SAMD8: variants seen among roughly 807,000 people sequenced by gnomAD.
The protein encoded by SAMD8 is sphingomyelin synthase-related protein 1.
SAMD8 carries 20 observed loss-of-function variants against 42.0 expected under a neutral mutation model. That is an observed-to-expected ratio of 0.48 (90% confidence interval 0.34 to 0.69). The LOEUF is 0.69. Among genes scored for constraint, SAMD8 ranks in the 30% least tolerant of loss-of-function variants. The probability of loss-of-function intolerance (pLI) is 0.01; values close to 1 mark genes in which losing one functional copy is unlikely to be tolerated. For synonymous variants in SAMD8, 162 were observed against 173.0 expected, an observed-to-expected ratio of 0.94 and a Z score of 0.50; for missense variants, 328 against 511.6, an observed-to-expected ratio of 0.64 and a Z score of 3.46.
At chr10:75,173,152 T>G (rs1840909046) in intron 4 of SAMD8, among the ~76,000 whole-genome samples, 1 of 152,198 alleles carries the variant, frequency 6.6e-6, no homozygotes, top group African/African-American at 2.4e-5. Flanking sequence ...TGGTTATATA[T>G]AGATATTTCT....
At chr10:75,150,370 A>G in intron 1 of SAMD8, 144 bp from the exon 2 acceptor site, 2 of 1,373,166 alleles carry the variant, frequency 1.5e-6, no homozygotes, top group Admixed American at 3.0e-5. Flanking sequence ...GATCCTCCCA[A>G]CTCAGCCTCC....
chr10:75,151,986 G>A (rs1323643177), intron 2 of SAMD8, among the ~76,000 whole-genome samples: 1 of 151,822 alleles, frequency 6.6e-6, no homozygotes, highest in Non-Finnish European at 1.5e-5. Flanking sequence ...ACCGCGCTTG[G>A]CCAGGTACTT....
chr10:75,138,228 A>G (rs533796121), intron 1 of SAMD8, among the ~76,000 whole-genome samples: 16 of 152,308 alleles, frequency 1.1e-4, no homozygotes, highest in South Asian at 2.1e-4. Flanking sequence ...GAGGGAGACT[A>G]GAAAGGATAC....
At position 75,176,458 on chromosome 10, in the gene SAMD8, C is replaced by T. The variant is rs181574709; in HGVS notation, c.1014C>T (p.Ile338=). 8 of 1,550,970 alleles carry T rather than the reference C, an allele frequency of 5.2e-6. No homozygotes were observed. The East Asian group carries it at 1.5e-4, about 28-fold the overall frequency. The change falls in exon 6 of 6, where the codon ATC becomes ATT. Residue 338 remains isoleucine, a synonymous_variant. Coordinates refer to ENST00000542569, the MANE Select transcript of SAMD8 (RefSeq NM_001174156.2). The surrounding 1 kb of genome is among the most constrained non-coding windows in gnomAD (Gnocchi z 4.3). ...TCAACCTCTTTGGAATCTTCTTCAT[C>T]TTGGCTGCCCATGAACATTATTCTA... ...WVLNLFGIFF[I]LAAHEHYSID...
intron 1 of SAMD8, among the ~76,000 whole-genome samples, chr10:75,123,406 C>T (rs993739009): frequency 2.6e-5 from 4 of 152,152 alleles, no homozygotes; most frequent in Admixed American, 2.6e-4. Flanking sequence ...ACTCCTCTGA[C>T]AGCATGTTAA....
intron 1 of SAMD8, among the ~76,000 whole-genome samples, chr10:75,116,995 G>C (rs1357361529): frequency 2.0e-5 from 3 of 151,922 alleles, no homozygotes; most frequent in Non-Finnish European, 2.9e-5. Flanking sequence ...GTTTTTAGTA[G>C]AGACGAGGTC....
At chr10:75,113,100 C>T (rs890980357) in intron 1 of SAMD8, among the ~76,000 whole-genome samples, 1 of 152,166 alleles carries the variant, frequency 6.6e-6, no homozygotes, top group Non-Finnish European at 1.5e-5. Flanking sequence ...ACAGAGGATG[C>T]TTGTAGTTGG....
At chr10:75,111,604 C>T, upstream of SAMD8, 1 of 1,250,496 alleles carries the variant, frequency 8.0e-7, no homozygotes, top group Non-Finnish European at 1.0e-6. Context: ...CCGCCCCGGG[C>T]TCCGCCCCCG....
upstream of SAMD8, chr10:75,109,196 C>T (rs762745933): frequency 2.2e-5 from 33 of 1,504,338 alleles, no homozygotes; most frequent in African/African-American, 4.7e-4. Context: ...GTGGTCACTC[C>T]TCTCTGCCTC....
intron 1 of SAMD8, among the ~76,000 whole-genome samples, chr10:75,117,165 G>T (rs368100589): frequency 7.3e-5 from 11 of 151,468 alleles, no homozygotes; most frequent in African/African-American, 2.7e-4. Flanking sequence ...ACTCATGCAT[G>T]TAATCCCAGC....
intron 1 of SAMD8, chr10:75,150,279 ATTTTTT>A: frequency 4.5e-5 from 6 of 134,054 alleles, no homozygotes; most frequent in Non-Finnish European, 5.4e-5. Context: ...CCAGGCTAAA[ATTTTTT>A]TTTTTTTTTT....
intron 1 of SAMD8, among the ~76,000 whole-genome samples, chr10:75,145,625 A>T (rs1292683913): frequency 6.6e-6 from 1 of 152,180 alleles, no homozygotes; most frequent in East Asian, 1.9e-4. Context: ...GGGTTTCTCA[A>T]TAGCAGCACC....
chr10:75,110,568 G>A (rs1848741132), upstream of SAMD8, among the ~76,000 whole-genome samples: 1 of 152,196 alleles, frequency 6.6e-6, no homozygotes, highest in African/African-American at 2.4e-5. Flanking sequence ...AGTCGGCCCG[G>A]CACTGTGTGG....
At chr10:75,132,998 A>G (rs914887583) in intron 1 of SAMD8, among the ~76,000 whole-genome samples, 12 of 152,154 alleles carry the variant, frequency 7.9e-5, no homozygotes, top group Non-Finnish European at 1.3e-4. Context: ...CAGTCAATCA[A>G]TAAAGAAAGA....
At chr10:75,150,327 C>A in intron 1 of SAMD8, 187 bp from the exon 2 acceptor site, 1 of 405,350 alleles carries the variant, frequency 2.5e-6, no homozygotes, top group Non-Finnish European at 3.3e-6. Context: ...TGCTACGTGG[C>A]CCAGGACTGG....
intron 1 of SAMD8, among the ~76,000 whole-genome samples, chr10:75,131,115 A>T (rs746134184): frequency 5.9e-5 from 9 of 152,236 alleles, no homozygotes; most frequent in African/African-American, 2.2e-4. Context: ...GAGATCCCAC[A>T]TGAAATCACC....
At chr10:75,120,237 T>G (rs1848973445) in intron 1 of SAMD8, among the ~76,000 whole-genome samples, 1 of 152,210 alleles carries the variant, frequency 6.6e-6, no homozygotes, top group Non-Finnish European at 1.5e-5. Flanking sequence ...GTATCAACAG[T>G]AATCAGTTAC....
intron 1 of SAMD8, among the ~76,000 whole-genome samples, chr10:75,101,422 C>T (rs762799600): frequency 3.1e-4 from 47 of 152,280 alleles, no homozygotes; most frequent in African/African-American, 9.1e-4. Context: ...AACTTCCCTA[C>T]GGGACAGTGA....
chr10:75,130,878 T>C (rs971186041), intron 1 of SAMD8, among the ~76,000 whole-genome samples: 1 of 152,198 alleles, frequency 6.6e-6, no homozygotes, highest in Non-Finnish European at 1.5e-5. Flanking sequence ...AAAAGTGTTG[T>C]GAGGATTAAA....
Sources: gnomAD v4.1 joint callset for allele counts (sites outside exome capture counted in the v4.1 genomes callset) on GRCh38, gnomAD v4.1.1 for gene constraint, Gnocchi (gnomAD v3.1) non-coding constraint, MANE v1.5 for transcripts, NCBI Gene and HGNC (gene_info 2026-07-23, HGNC 2026-07-21) for gene names.